NBEAL1: variants seen among roughly 807,000 people sequenced by gnomAD.
The protein encoded by NBEAL1 is neurobeachin like 1.
NBEAL1 carries 273 observed loss-of-function variants against 351.3 expected under a neutral mutation model. The ratio of observed to expected loss-of-function variants is 0.78; its 90% CI spans 0.70 to 0.86. NBEAL1 has a LOEUF of 0.86. NBEAL1 is among the 40% of genes least tolerant of loss of function. The pLI is 0.00. For synonymous variants in NBEAL1, 1,050 were observed against 1,086.4 expected (o/e 0.97, Z 0.66); for missense variants, 2,961 against 3,201.3 (o/e 0.92, Z 1.81).
chr2:203,098,638 C>T (rs2062236695), intron 11 of NBEAL1, among the ~76,000 whole-genome samples: 1 of 152,094 alleles, frequency 6.6e-6, no homozygotes, highest in Non-Finnish European at 1.5e-5. Context: ...TTTAACATAT[C>T]TCTTCTTTTT....
chr2:203,095,640 G>T (rs1387122951), intron 10 of NBEAL1, among the ~76,000 whole-genome samples: 1 of 152,048 alleles, frequency 6.6e-6, no homozygotes, highest in Admixed American at 6.6e-5. Flanking sequence ...TTGCTTTCTG[G>T]AAAGATTTTA....
chr2:203,133,323 G>C (rs911389469), intron 27 of NBEAL1, among the ~76,000 whole-genome samples, 177 bp downstream of exon 27: 1 of 151,930 alleles, frequency 6.6e-6, no homozygotes, highest in Non-Finnish European at 1.5e-5. Flanking sequence ...TAAGAAATTA[G>C]CATGTGAATG....
In NBEAL1 at chr2:203,110,187, A is replaced by G. The variant is rs1051082194; in HGVS notation, c.1987A>G (p.Ile663Val). 7.7e-6 allele frequency: 12 copies of G among 1,553,264 alleles called. No homozygotes were observed. The highest frequency in any genetic ancestry group is 1.0e-5 in the Non-Finnish European group (12 of 1,147,354). ...AAGTGGCATGGGTTTTGAAGCCTTT[A>G]TTACCCATTCAGGTATGTTGGTCGT... ...TGSGMGFEAF[I>V]THSGMLVVAV... Residue 663 changes from isoleucine (I) to valine (V), a missense_variant, in exon 15 of 56, where the codon ATT becomes GTT. By Grantham distance (29) the Ile-to-Val change is conservative (BLOSUM62 3). Coordinates refer to ENST00000683969, the MANE Select transcript of NBEAL1 (RefSeq NM_001378026.1).
At chr2:203,177,348 A>G (rs922494712) in intron 42 of NBEAL1, among the ~76,000 whole-genome samples, 2 of 150,812 alleles carry the variant, frequency 1.3e-5, no homozygotes, top group Non-Finnish European at 2.9e-5. Context: ...CAGCCTGGGC[A>G]ACATAGTGAG....
chr2:203,053,654 C>T (rs1485724842), intron 4 of NBEAL1, among the ~76,000 whole-genome samples: 6 of 151,896 alleles, frequency 4.0e-5, no homozygotes, highest in South Asian at 2.1e-4. Flanking sequence ...TAAGTGGGAC[C>T]GCAGGTACAT....
intron 20 of NBEAL1, 88 bp downstream of exon 20, chr2:203,125,608 A>G: frequency 8.5e-7 from 1 of 1,182,762 alleles, no homozygotes; most frequent in Non-Finnish European, 1.1e-6. Flanking sequence ...TGTCATTAGG[A>G]AGAAACTTAA....
intron 44 of NBEAL1, among the ~76,000 whole-genome samples, chr2:203,185,562 C>G: frequency 6.6e-6 from 1 of 152,202 alleles, no homozygotes; most frequent in Non-Finnish European, 1.5e-5. Context: ...TAATCATCAT[C>G]TCCCACAGTT....
rs2065991673 is a variant in NBEAL1 at position 203,224,839 on chromosome 2, A to G, written c.*7485A>G. ...ACATTTTAAAGCTGAGCAATTTTTAATAAAGATGTATAAATAATTTTGATT... is the reference window on the plus strand; with the variant it reads ...ACATTTTAAAGCTGAGCAATTTTTAGTAAAGATGTATAAATAATTTTGATT... On this transcript the variant is annotated 3_prime_UTR_variant, in exon 56 of 56. Transcript: ENST00000683969. Among the ~76,000 whole-genome samples the G allele has an allele frequency of 6.6e-6, 1 of 152,216 alleles. No individual in the cohort carries two copies. Among genetic ancestry groups the G allele is most frequent in the South Asian group, 2.1e-4 (1 of 4,832 alleles).
intron 47 of NBEAL1, among the ~76,000 whole-genome samples, chr2:203,195,456 T>C (rs960336892): frequency 1.3e-5 from 2 of 152,196 alleles, no homozygotes; most frequent in African/African-American, 4.8e-5. Flanking sequence ...GTTAGTTGCA[T>C]AGAACTCAGA....
At position 203,127,892 on chromosome 2, in the gene NBEAL1, A is replaced by G. The variant is rs763189262; in HGVS notation, c.3360A>G (p.Ile1120Met). The G allele has an allele frequency of 1.9e-6, 3 of 1,552,058 alleles. No individual in the cohort carries two copies. Among genetic ancestry groups the G allele is most frequent in the Non-Finnish European group, 2.6e-6 (3 of 1,145,762 alleles). ...GCAAAGGTGGATCTCATGAAGAGAT[A>G]CAAAGTATTATGGGGTACATAGCTG... ...FLCKGGSHEE[I>M]QSIMGYIAAT... Residue 1120 changes from isoleucine to methionine, a missense_variant, in exon 24 of 56, where the codon ATA becomes ATG. Coordinates refer to ENST00000683969, the MANE Select transcript of NBEAL1 (RefSeq NM_001378026.1).
At chr2:203,191,547 T>C (rs2065088687) in intron 46 of NBEAL1, among the ~76,000 whole-genome samples, 1 of 152,110 alleles carries the variant, frequency 6.6e-6, no homozygotes, top group Admixed American at 6.6e-5. Context: ...TACAAAAAAA[T>C]ATATCATTTA....
chr2:203,136,115 C>G lies in NBEAL1; in HGVS notation c.4252C>G (p.Gln1418Glu). Reference sequence around the variant, plus strand: ...ATGTGAAATGAGTGATAGTGGAAGTCAAGTGCCAGACAGTCTGCCTAGCAC... The same window carrying G: ...ATGTGAAATGAGTGATAGTGGAAGTGAAGTGCCAGACAGTCTGCCTAGCAC... ...DSCEMSDSGS[Q>E]VPDSLPSTPS... The change falls in exon 28 of 56, where the codon CAA becomes GAA. Residue 1418 changes from glutamine to glutamate, a missense_variant. Physicochemically the swap from Gln to Glu is conservative, Grantham distance 29. Transcript: ENST00000683969. 1 of 1,614,146 alleles carries G rather than the reference C, an allele frequency of 6.2e-7. No individual in the cohort carries two copies. The highest frequency in any genetic ancestry group is 8.5e-7 in the Non-Finnish European group (1 of 1,180,018).
At chr2:203,050,592 A>AT in intron 4 of NBEAL1, among the ~76,000 whole-genome samples, 1 of 152,202 alleles carries the variant, frequency 6.6e-6, no homozygotes, top group South Asian at 2.1e-4. Context: ...AATCATTCAG[A>AT]TATTTCATTT....
chr2:203,214,900 A>G (rs984776738), intron 55 of NBEAL1, among the ~76,000 whole-genome samples: 2 of 152,250 alleles, frequency 1.3e-5, no homozygotes, highest in Admixed American at 6.5e-5. Context: ...ACCAGTTTAT[A>G]TATTATTCTA....
rs2061145873 is a variant in NBEAL1 at position 203,041,791 on chromosome 2, G to C, written c.78G>C (p.Trp26Cys). ...TKKDPDYLKL[W>C]LDTFVSSYEQ... ...AAGATCCAGATTACCTGAAGCTGTG[G>C]TTGGACACTTTTGTTTCTAGCTATG... Residue 26 changes from tryptophan (W) to cysteine (C), a missense_variant, in exon 3 of 56, where the codon TGG becomes TGC. Trp to Cys is a radical substitution (Grantham distance 215). Coordinates refer to ENST00000683969, the MANE Select transcript of NBEAL1 (RefSeq NM_001378026.1). The C allele has an allele frequency of 1.3e-6, 2 of 1,553,758 alleles. No individual in the cohort carries two copies. Among genetic ancestry groups the C allele is most frequent in the East Asian group, 4.8e-5 (2 of 41,830 alleles).
At chr2:203,144,937 C>T (rs1206838660) in intron 32 of NBEAL1, 32 bp downstream of exon 32, 8 of 1,528,960 alleles carry the variant, frequency 5.2e-6, no homozygotes, top group African/African-American at 2.8e-5. Context: ...CAAGATTTTT[C>T]TGCTAATTTA....
rs1017110727 is a variant in NBEAL1 at position 203,222,446 on chromosome 2, T to C, written c.*5092T>C. Among the ~76,000 whole-genome samples, 1 of 152,228 alleles carries C rather than the reference T, an allele frequency of 6.6e-6. No homozygotes were observed. The highest frequency in any genetic ancestry group is 1.5e-5 in the Non-Finnish European group (1 of 68,036). ...ATACCAGATCCAATATTCAGACTTA[T>C]TTGAAAATAGGCTTAATCATTATCC... On this transcript the variant is annotated 3_prime_UTR_variant, in exon 56 of 56. Coordinates refer to ENST00000683969, the MANE Select transcript of NBEAL1 (RefSeq NM_001378026.1).
At chr2:203,095,102 C>A (rs1227943681) in intron 10 of NBEAL1, among the ~76,000 whole-genome samples, 1 of 151,706 alleles carries the variant, frequency 6.6e-6, no homozygotes, top group African/African-American at 2.4e-5. Flanking sequence ...CCAGCCTGGG[C>A]TACGAGAGTG....
Position 203,062,429 on chromosome 2 carries a change from A to G in NBEAL1, c.515+4976A>G, listed in dbSNP as rs575048772. On this transcript the variant is annotated intron_variant, in intron 6 of 55. Coordinates refer to ENST00000683969, the MANE Select transcript of NBEAL1 (RefSeq NM_001378026.1). The surrounding 1 kb of genome is among the most constrained non-coding windows in gnomAD (Gnocchi z 4.2). Reference sequence around the variant, plus strand: ...GTTCCAGCTTCCAGCATGCTCCAGCATCCTGCCCAGGGATCTTGCAGGGCC... The same window carrying G: ...GTTCCAGCTTCCAGCATGCTCCAGCGTCCTGCCCAGGGATCTTGCAGGGCC... The G allele has an allele frequency of 7.6e-6, 3 of 394,426 alleles. No homozygotes were observed. Among genetic ancestry groups the G allele is most frequent in the Non-Finnish European group, 1.5e-5 (3 of 201,942 alleles). 24.4% of individuals were successfully genotyped at this position (394,426 alleles called of 1,614,324 possible).
Sources: gnomAD v4.1 joint callset for allele counts (sites outside exome capture counted in the v4.1 genomes callset) on GRCh38, gnomAD v4.1.1 for gene constraint, Gnocchi (gnomAD v3.1) non-coding constraint, MANE v1.5 for transcripts, NCBI Gene and HGNC (gene_info 2026-07-23, HGNC 2026-07-21) for gene names.